PTPRK: variants seen among roughly 807,000 people sequenced by gnomAD.
PTPRK encodes protein tyrosine phosphatase receptor type K, also known as receptor-type tyrosine-protein phosphatase kappa.
A neutral mutation model predicts 178.0 loss-of-function variants in PTPRK; 75 were observed. The ratio of observed to expected loss-of-function variants is 0.42; its 90% CI spans 0.35 to 0.51. The LOEUF (loss-of-function observed/expected upper bound fraction) is 0.51. PTPRK is among the 20% of genes least tolerant of loss of function. PTPRK has a pLI of 0.02. For missense variants in PTPRK, 1,441 were observed against 1,797.8 expected (o/e 0.80, Z 3.59); for synonymous variants, 637 against 620.6 (o/e 1.03, Z -0.39).
At chr6:128,354,754 A>G (rs1833737296) in intron 2 of PTPRK, among the ~76,000 whole-genome samples, 1 of 152,188 alleles carries the variant, frequency 6.6e-6, no homozygotes, top group Non-Finnish European at 1.5e-5. Flanking sequence ...TTTTACATGG[A>G]CTATGAAGCG....
At chr6:128,005,008 C>T (rs777646089) in intron 15 of PTPRK, 76 bp downstream of exon 15, 23 of 1,287,528 alleles carry the variant, frequency 1.8e-5, no homozygotes, top group Non-Finnish European at 2.4e-5. Flanking sequence ...TCTCTCATTA[C>T]TCAAAAGGTA....
intron 3 of PTPRK, among the ~76,000 whole-genome samples, chr6:128,251,574 A>G (rs761072421): frequency 6.6e-6 from 1 of 152,176 alleles, no homozygotes; most frequent in Non-Finnish European, 1.5e-5. Context: ...AAATACCAAC[A>G]TTCTCTTACC....
chr6:128,456,541 AAAAC>A (rs34376476), intron 1 of PTPRK, among the ~76,000 whole-genome samples: 9,476 of 152,152 alleles, frequency 0.062, 539 homozygotes, highest in African/African-American at 0.16. Context: ...GCAAAGTACC[AAAAC>A]ACACTGAAGT....
At chr6:128,411,092 C>T (rs1350832273) in intron 1 of PTPRK, among the ~76,000 whole-genome samples, 1 of 152,080 alleles carries the variant, frequency 6.6e-6, no homozygotes, top group African/African-American at 2.4e-5. Context: ...AGGGTGCTGC[C>T]ATGCTGCCCA....
At chr6:128,184,038 T>G (rs1461978351) in intron 7 of PTPRK, among the ~76,000 whole-genome samples, 1 of 152,184 alleles carries the variant, frequency 6.6e-6, no homozygotes, top group Non-Finnish European at 1.5e-5. Flanking sequence ...TTACACTGAC[T>G]GTAACAAAAT....
intron 12 of PTPRK, 88 bp from the exon 13 acceptor site, chr6:128,064,882 TG>T (rs1781493779): frequency 2.2e-6 from 3 of 1,373,300 alleles, no homozygotes; most frequent in African/African-American, 3.0e-5. Flanking sequence ...AAGATCCATC[TG>T]GGGTCATAAA....
chr6:128,431,623 TG>T (rs1160379167), intron 1 of PTPRK, among the ~76,000 whole-genome samples: 1 of 152,218 alleles, frequency 6.6e-6, no homozygotes, highest in African/African-American at 2.4e-5. Flanking sequence ...GCTCAAGACA[TG>T]GTCATGTTAA....
chr6:128,409,120 TG>T (rs1294913250), intron 1 of PTPRK, among the ~76,000 whole-genome samples: 5 of 152,160 alleles, frequency 3.3e-5, no homozygotes, highest in African/African-American at 7.2e-5. Flanking sequence ...AGCAATTTAG[TG>T]GATTAAGAAA....
intron 6 of PTPRK, among the ~76,000 whole-genome samples, chr6:128,193,728 T>C (rs1172567118): frequency 6.6e-6 from 1 of 152,190 alleles, no homozygotes; most frequent in Non-Finnish European, 1.5e-5. Context: ...AAATTTTGCA[T>C]ACTGAATTTT....
intron 7 of PTPRK, among the ~76,000 whole-genome samples, chr6:128,170,289 C>A (rs1484834844): frequency 6.6e-6 from 1 of 152,000 alleles, no homozygotes. Context: ...TTTGTCTCTA[C>A]ATCTACGCTT....
chr6:128,053,149 A>AACACAC (rs61106638), intron 13 of PTPRK, among the ~76,000 whole-genome samples: 21 of 145,036 alleles, frequency 1.4e-4, no homozygotes, highest in East Asian at 4.1e-4. Context: ...ATGTGTATGG[A>AACACAC]ACACACACAC....
intron 12 of PTPRK, 115 bp from the exon 13 acceptor site, chr6:128,064,909 A>G (rs911935539): frequency 8.5e-6 from 10 of 1,182,090 alleles, no homozygotes; most frequent in Non-Finnish European, 9.8e-6. Flanking sequence ...ATTATAAACA[A>G]CAGAATTTTA....
At chr6:128,428,552 G>A (rs73589574) in intron 1 of PTPRK, among the ~76,000 whole-genome samples, 4,049 of 152,256 alleles carry the variant, frequency 0.027, 163 homozygotes, top group African/African-American at 0.093. Context: ...CCCTGAGGAG[G>A]AACTAGGATG....
chr6:128,438,582 G>C (rs1003033305), intron 1 of PTPRK, among the ~76,000 whole-genome samples: 6 of 152,120 alleles, frequency 3.9e-5, no homozygotes, highest in African/African-American at 1.4e-4. Flanking sequence ...TACCTCTTTT[G>C]ATTTGGGGAT....
intron 3 of PTPRK, among the ~76,000 whole-genome samples, chr6:128,304,058 T>G (rs1826026133): frequency 6.6e-6 from 1 of 152,188 alleles, no homozygotes; most frequent in African/African-American, 2.4e-5. Context: ...TTAACATTAT[T>G]CTGAAATGTG....
At chr6:128,126,473 C>T (rs985880260) in intron 7 of PTPRK, among the ~76,000 whole-genome samples, 1 of 152,036 alleles carries the variant, frequency 6.6e-6, no homozygotes, top group African/African-American at 2.4e-5. Context: ...GGCTTTTCTG[C>T]AGAAATAAGT....
intron 21 of PTPRK, 65 bp from the exon 22 acceptor site, chr6:127,985,940 C>T: frequency 2.6e-6 from 4 of 1,527,034 alleles, no homozygotes; most frequent in Non-Finnish European, 3.6e-6. Flanking sequence ...AGCCATTAAA[C>T]ACAATTATGG....
At chr6:128,291,644 T>C (rs910156232) in intron 3 of PTPRK, among the ~76,000 whole-genome samples, 6 of 152,242 alleles carry the variant, frequency 3.9e-5, no homozygotes, top group East Asian at 1.9e-4. Flanking sequence ...CCCACTGCTG[T>C]GGTTATAATG....
At chr6:128,003,872 C>T (rs1165459003) in intron 15 of PTPRK, among the ~76,000 whole-genome samples, 1 of 151,560 alleles carries the variant, frequency 6.6e-6, no homozygotes, top group African/African-American at 2.4e-5. Flanking sequence ...TCTGAAAGGC[C>T]CTGTCATGAT....
Sources: gnomAD v4.1 joint callset for allele counts (sites outside exome capture counted in the v4.1 genomes callset) on GRCh38, gnomAD v4.1.1 for gene constraint, MANE v1.5 for transcripts, NCBI Gene and HGNC (gene_info 2026-07-23, HGNC 2026-07-21) for gene names.